LAPTM4A: variants seen among roughly 807,000 people sequenced by gnomAD.
The protein encoded by LAPTM4A is lysosomal-associated transmembrane protein 4A.
In LAPTM4A, 19 loss-of-function variants were observed where a neutral mutation model predicts 29.9. That is an observed-to-expected ratio of 0.64 (90% CI 0.44 to 0.93). The LOEUF is 0.93. Ranked by LOEUF, LAPTM4A falls within the 40% of genes least tolerant of loss-of-function variation. The pLI is 0.00. For missense variants in LAPTM4A, 293 were observed against 288.5 expected (o/e 1.02, Z -0.11); for synonymous variants, 105 against 102.1 (o/e 1.03, Z -0.17).
chr2:20,048,071 A>T (rs922644349), intron 1 of LAPTM4A, among the ~76,000 whole-genome samples: 15 of 152,230 alleles, frequency 9.9e-5, no homozygotes, highest in Non-Finnish European at 2.1e-4. Flanking sequence ...AGAACTTCAA[A>T]CTGTTTATGG....
intron 4 of LAPTM4A, among the ~76,000 whole-genome samples, chr2:20,036,720 G>A (rs961487927): frequency 2.6e-5 from 4 of 151,952 alleles, no homozygotes; most frequent in Non-Finnish European, 4.4e-5. Flanking sequence ...CCTCCACGAC[G>A]CCCTCCTTGG....
rs141553587 is a variant in LAPTM4A at position 20,042,934 on chromosome 2, A to G, written c.112-1923T>C. ...TTTCAAGGGTTAAGTTCCTATCAGT[A>G]GTATTTTAATTTATTTAGTTTTTGA... On this transcript the variant is annotated intron_variant, in intron 1 of 6. Transcript: ENST00000175091. 1.1e-4 allele frequency among the ~76,000 whole-genome samples: 17 copies of G among 152,308 alleles called. No individual in the cohort carries two copies. The East Asian group carries it at 3.3e-3, about 29-fold the overall frequency.
chr2:20,034,022 G>C (rs1034628564), intron 6 of LAPTM4A, among the ~76,000 whole-genome samples: 3 of 152,114 alleles, frequency 2.0e-5, no homozygotes, highest in African/African-American at 7.2e-5. Flanking sequence ...GAAGCCCCAG[G>C]CTACATGGGC....
Position 20,051,627 on chromosome 2 carries a change from T to C in LAPTM4A, c.-107A>G, listed in dbSNP as rs1674077761. The C allele has an allele frequency of 1.4e-6, 1 of 707,014 alleles. No homozygotes were observed. Among genetic ancestry groups the C allele is most frequent in the Admixed American group, 2.6e-5 (1 of 37,794 alleles). The allele number at this position is 707,014 out of a possible 1,614,324, so 43.8% of individuals were successfully genotyped here. A position where few individuals can be genotyped will look rare whatever the true frequency, so the allele number is the denominator to read the frequency against. ...GCCTCCAAAACCCAACGACGCGTCT[T>C]CAAACCCGCCCCCGGCTCGTGCCCC... On this transcript the variant is annotated 5_prime_UTR_variant, in exon 1 of 7. Transcript: ENST00000175091.
At position 20,037,409 on chromosome 2, in the gene LAPTM4A, G is replaced by A; in HGVS notation, c.339C>T (p.Phe113=). 6.2e-7 allele frequency: 1 copy of A among 1,612,498 alleles called. No individual in the cohort carries two copies. Among genetic ancestry groups the A allele is most frequent in the Non-Finnish European group, 8.5e-7 (1 of 1,179,442 alleles). The change falls in exon 4 of 7, where the codon TTC becomes TTT. Residue 113 remains phenylalanine (F), a synonymous_variant. Transcript: ENST00000175091. ...SYQVGWLIPF[F]CYRLFDFVLS... ...GGACGAAGTCAAAAAGTCGGTAACA[G>A]AAGAATGGAATCAGCCAACCCACTT...
At chr2:20,050,250 G>T (rs1173920454) in intron 1 of LAPTM4A, among the ~76,000 whole-genome samples, 1 of 152,222 alleles carries the variant, frequency 6.6e-6, no homozygotes, top group East Asian at 1.9e-4. Context: ...CCATGAAACA[G>T]TATCTGCCTC....
intron 1 of LAPTM4A, among the ~76,000 whole-genome samples, chr2:20,050,644 A>T (rs891845695): frequency 2.0e-5 from 3 of 152,194 alleles, no homozygotes; most frequent in African/African-American, 7.2e-5. Context: ...CCAGGCAACA[A>T]CAGTGTCAAC....
chr2:20,034,238 GA>G, intron 6 of LAPTM4A, 78 bp downstream of exon 6: 1 of 972,874 alleles, frequency 1.0e-6, no homozygotes, highest in Non-Finnish European at 1.7e-6. Flanking sequence ...GCATGAAAGA[GA>G]AAGTCAAGCT....
chr2:20,035,208 CT>C, intron 4 of LAPTM4A, 146 bp from the exon 5 acceptor site: 1 of 635,696 alleles, frequency 1.6e-6, no homozygotes, highest in Non-Finnish European at 2.8e-6. Context: ...ATTCAAAGTG[CT>C]TTTAAATTTT....
intron 1 of LAPTM4A, 32 bp from the exon 2 acceptor site, chr2:20,041,043 A>G (rs1673786106): frequency 6.2e-7 from 1 of 1,610,344 alleles, no homozygotes; most frequent in African/African-American, 1.3e-5. Flanking sequence ...CAGTTACATT[A>G]ATTACCATCA....
intron 4 of LAPTM4A, chr2:20,035,278 A>G (rs972409111): frequency 2.0e-6 from 1 of 494,016 alleles, no homozygotes; most frequent in Non-Finnish European, 3.7e-6. Context: ...GATAACCCAC[A>G]ATGCTCCAAA....
In LAPTM4A at chr2:20,037,299, T is replaced by C; in HGVS notation, c.432+17A>G. On this transcript the variant is annotated intron_variant, in intron 4 of 6. Coordinates refer to ENST00000175091, the MANE Select transcript of LAPTM4A (RefSeq NM_014713.5). Reference sequence around the variant, plus strand: ...CAAAATGAAAAAAAAATAAGTTTAATGAGCATACACACTTACTAGTTGATC... The same window carrying C: ...CAAAATGAAAAAAAAATAAGTTTAACGAGCATACACACTTACTAGTTGATC... 6.4e-7 allele frequency: 1 copy of C among 1,561,108 alleles called. No homozygotes were observed. Among genetic ancestry groups the C allele is most frequent in the Non-Finnish European group, 8.6e-7 (1 of 1,156,656 alleles).
rs1316310616 is a variant in LAPTM4A at position 20,041,014 on chromosome 2, G to A, written c.112-3C>T. The A allele has an allele frequency of 7.4e-6, 12 of 1,613,234 alleles. No individual in the cohort carries two copies. Among genetic ancestry groups the A allele is most frequent in the Non-Finnish European group, 8.5e-6 (10 of 1,179,554 alleles). Reference sequence around the variant, plus strand: ...ATTGCCATCAATAGGTTTACTACCTGGAAAAGATAACATTCTATCAGTTAC... The same window carrying A: ...ATTGCCATCAATAGGTTTACTACCTAGAAAAGATAACATTCTATCAGTTAC... On this transcript the variant is annotated splice_polypyrimidine_tract_variant and splice_region_variant and intron_variant, in intron 1 of 6. Transcript: ENST00000175091.
At chr2:20,040,523 CCAA>C (rs747639575) in intron 2 of LAPTM4A, among the ~76,000 whole-genome samples, 2 of 152,180 alleles carry the variant, frequency 1.3e-5, no homozygotes, top group South Asian at 2.1e-4. Context: ...CAGACATGGG[CCAA>C]CAACATTTTG....
At chr2:20,051,155 G>C (rs1181831185) in intron 1 of LAPTM4A, among the ~76,000 whole-genome samples, 2 of 152,080 alleles carry the variant, frequency 1.3e-5, no homozygotes. Context: ...TCCCAAGCCC[G>C]CTTCTCTCCT....
rs1349920184 is a variant in LAPTM4A at position 20,036,485 on chromosome 2, A to C, written c.432+831T>G. Among the ~76,000 whole-genome samples the C allele has an allele frequency of 2.0e-5, 3 of 152,240 alleles. No homozygotes were observed. In the East Asian group the frequency reaches 5.8e-4, roughly 29 times the overall value. Reference sequence around the variant, plus strand: ...TTCCTGATTCCTTCACCAGGAAGTAAGCTCCACTGATGCATCTCTATGACC... The same window carrying C: ...TTCCTGATTCCTTCACCAGGAAGTACGCTCCACTGATGCATCTCTATGACC... On this transcript the variant is annotated intron_variant, in intron 4 of 6. Coordinates refer to ENST00000175091, the MANE Select transcript of LAPTM4A (RefSeq NM_014713.5).
In LAPTM4A at chr2:20,040,910, A is replaced by G; in HGVS notation, c.213T>C (p.Tyr71=). The G allele has an allele frequency of 6.2e-7, 1 of 1,613,874 alleles. No homozygotes were observed. The highest frequency in any genetic ancestry group is 8.5e-7 in the Non-Finnish European group (1 of 1,179,756). Residue 71 remains tyrosine, a synonymous_variant, in exon 2 of 7, where the codon TAT becomes TAC. Coordinates refer to ENST00000175091, the MANE Select transcript of LAPTM4A (RefSeq NM_014713.5). ...NIQYEVIGNY[Y]SSERMADNAC... is the part of the protein sequence containing the mutation. ...ACATACCAGCCATTCTCTCAGACGAATAGTAATTACCGATGACTTCATACT... is the reference window on the plus strand; with the variant it reads ...ACATACCAGCCATTCTCTCAGACGAGTAGTAATTACCGATGACTTCATACT...
chr2:20,048,955 T>C (rs1338988902), intron 1 of LAPTM4A, among the ~76,000 whole-genome samples: 1 of 152,220 alleles, frequency 6.6e-6, no homozygotes, highest in Non-Finnish European at 1.5e-5. Context: ...ACTGCTATGG[T>C]ATTCAAGCTA....
At chr2:20,051,287 T>G in intron 1 of LAPTM4A, 123 bp downstream of exon 1, 2 of 709,870 alleles carry the variant, frequency 2.8e-6, no homozygotes, top group East Asian at 2.7e-5. Context: ...TGGCGCGCCT[T>G]AAAAAGCAGC....
Sources: allele counts gnomAD v4.1 joint callset (sites outside exome capture counted in the v4.1 genomes callset), GRCh38; gene constraint gnomAD v4.1.1; transcripts MANE v1.5; gene names NCBI Gene and HGNC (gene_info 2026-07-23, HGNC 2026-07-21).